The following ERI3 variants were observed in gnomAD, a reference collection of about 807,000 sequenced individuals.
ERI3 encodes ERI1 exoribonuclease 3.
ERI3 carries 18 observed loss-of-function variants against 44.4 expected under a neutral mutation model. The observed-to-expected ratio is 0.41, with a 90% CI of 0.28 to 0.60. The LOEUF (loss-of-function observed/expected upper bound fraction) is 0.60, where lower values mean the gene tolerates loss of function less well. ERI3 is among the 20% of genes least tolerant of loss of function. The probability of loss-of-function intolerance (pLI) is 0.36; values close to 1 mark genes in which losing one functional copy is unlikely to be tolerated. For missense variants in ERI3, 294 were observed against 435.5 expected (o/e 0.68, Z 2.89); for synonymous variants, 183 against 164.8 (o/e 1.11, Z -0.84).
At chr1:44,273,006 C>T (rs867922869) in intron 7 of ERI3, among the ~76,000 whole-genome samples, 1 of 152,068 alleles carries the variant, frequency 6.6e-6, no homozygotes, top group African/African-American at 2.4e-5. Context: ...ATGTCTGTGG[C>T]GTTTTCTGAC....
chr1:44,284,771 G>A, intron 7 of ERI3, 64 bp downstream of exon 7: 3 of 1,236,336 alleles, frequency 2.4e-6, no homozygotes, highest in Non-Finnish European at 3.6e-6. Flanking sequence ...AGAAAGCAAA[G>A]GACGGGAGCT....
At chr1:44,242,076 A>G in intron 8 of ERI3, 1 of 985,578 alleles carries the variant, frequency 1.0e-6, no homozygotes, top group Non-Finnish European at 1.2e-6. Flanking sequence ...AGGCCAGTGC[A>G]GACCCTGTCA....
intron 4 of ERI3, among the ~76,000 whole-genome samples, chr1:44,316,346 A>G (rs549520921): frequency 4.3e-4 from 66 of 152,316 alleles, no homozygotes; most frequent in African/African-American, 1.5e-3. Context: ...GCTCCTTTCA[A>G]TGAGGGATTA....
At chr1:44,256,176 C>G (rs1418080693) in intron 7 of ERI3, among the ~76,000 whole-genome samples, 1 of 152,054 alleles carries the variant, frequency 6.6e-6, no homozygotes, top group Admixed American at 6.6e-5. Flanking sequence ...ATAATTCTAC[C>G]AAGCCTGGAG....
chr1:44,326,714 T>C (rs1476536519), intron 3 of ERI3, among the ~76,000 whole-genome samples: 121 of 152,318 alleles, frequency 7.9e-4, no homozygotes, highest in Admixed American at 7.8e-3. Flanking sequence ...ATGCTCGAAG[T>C]TTCAGGACAA....
intron 7 of ERI3, among the ~76,000 whole-genome samples, chr1:44,269,474 G>A (rs184611889): frequency 4.6e-5 from 7 of 152,232 alleles, no homozygotes; most frequent in East Asian, 1.9e-4. Context: ...TTGTGGGCCC[G>A]TGCACACATA....
chr1:44,335,599 A>G (rs1338721528), intron 3 of ERI3, among the ~76,000 whole-genome samples: 3 of 152,024 alleles, frequency 2.0e-5, no homozygotes, highest in African/African-American at 7.2e-5. Flanking sequence ...ACCTCCACTA[A>G]AAATACAAAA....
At chr1:44,261,503 A>G (rs1287956878) in intron 7 of ERI3, among the ~76,000 whole-genome samples, 1 of 152,262 alleles carries the variant, frequency 6.6e-6, no homozygotes, top group African/African-American at 2.4e-5. Context: ...AGAGAGAGAA[A>G]GAGCTGGAGC....
At chr1:44,348,041 A>G (rs1266605183) in intron 2 of ERI3, among the ~76,000 whole-genome samples, 2 of 152,194 alleles carry the variant, frequency 1.3e-5, no homozygotes, top group African/African-American at 4.8e-5. Context: ...AAAGTAAGCA[A>G]GAGTAAATGT....
chr1:44,255,051 T>C (rs188338474), intron 7 of ERI3, among the ~76,000 whole-genome samples: 1 of 152,324 alleles, frequency 6.6e-6, no homozygotes, highest in Admixed American at 6.5e-5. Flanking sequence ...TTCTACCCCA[T>C]AGAATTGATG....
At chr1:44,280,794 A>G (rs1473349257) in intron 7 of ERI3, among the ~76,000 whole-genome samples, 2 of 152,144 alleles carry the variant, frequency 1.3e-5, no homozygotes, top group Non-Finnish European at 2.9e-5. Context: ...CTTACCCTAA[A>G]CATCAAGGTC....
At chr1:44,233,754 C>T (rs569317088) in intron 8 of ERI3, among the ~76,000 whole-genome samples, 19 of 152,312 alleles carry the variant, frequency 1.2e-4, no homozygotes, top group Non-Finnish European at 2.8e-4. Context: ...TCTCTCCCAT[C>T]TTGGGAGTAA....
Position 44,337,840 on chromosome 1 carries a change from G to A in ERI3, c.489+1205C>T, listed in dbSNP as rs115953873. Among the ~76,000 whole-genome samples the A allele has an allele frequency of 8.5e-3, 1,293 of 152,210 alleles. 19 individuals are homozygous for A. The highest frequency in any genetic ancestry group is 0.029 in the African/African-American group (1,184 of 41,522). ...ACTCCTCCCTACCTTCGAAGTGCCC[G>A]ATGCTGAGGTCCCCTTCTCTCCCTC... On this transcript the variant is annotated intron_variant, in intron 3 of 8. Coordinates refer to ENST00000372257, the MANE Select transcript of ERI3 (RefSeq NM_024066.3).
At chr1:44,288,954 C>A (rs561126544) in intron 6 of ERI3, among the ~76,000 whole-genome samples, 3 of 152,174 alleles carry the variant, frequency 2.0e-5, no homozygotes, top group Non-Finnish European at 4.4e-5. Flanking sequence ...GACTAGCCTG[C>A]GGGCACAAAC....
At chr1:44,317,889 G>A (rs1028335432) in intron 4 of ERI3, among the ~76,000 whole-genome samples, 7 of 152,180 alleles carry the variant, frequency 4.6e-5, no homozygotes, top group African/African-American at 1.7e-4. Context: ...GGCCAAAAAA[G>A]GATGGACAAG....
intron 4 of ERI3, 102 bp from the exon 5 acceptor site, chr1:44,313,330 G>A (rs762077197): frequency 7.1e-6 from 8 of 1,124,582 alleles, no homozygotes; most frequent in Non-Finnish European, 1.1e-5. Context: ...CTGTTGTAAA[G>A]GGCTCTGATC....
chr1:44,223,243 C>G (rs544307971), intron 8 of ERI3, among the ~76,000 whole-genome samples: 1 of 152,228 alleles, frequency 6.6e-6, no homozygotes, highest in East Asian at 1.9e-4. Flanking sequence ...GTTTATGGGC[C>G]GGACACGCAC....
Position 44,241,780 on chromosome 1 carries a change from T to C in ERI3, c.931+6159A>G. On this transcript the variant is annotated intron_variant, in intron 8 of 8. Coordinates refer to ENST00000372257, the MANE Select transcript of ERI3 (RefSeq NM_024066.3). The surrounding 1 kb of genome is among the most constrained non-coding windows in gnomAD (Gnocchi z 5.6). ...GAAGGTGGGGAAACAAAGATTGTAC[T>C]TCCTAAAGAATCAAACACACATAAC... 8.0e-6 allele frequency: 2 copies of C among 251,206 alleles called. No individual in the cohort carries two copies. Among genetic ancestry groups the C allele is most frequent in the Non-Finnish European group, 1.3e-5 (2 of 159,088 alleles). The allele number at this position is 251,206 out of a possible 1,614,324, so 15.6% of individuals were successfully genotyped here. A position where few individuals can be genotyped will look rare whatever the true frequency, so the allele number is the denominator to read the frequency against.
At chr1:44,332,018 G>T (rs930107234) in intron 3 of ERI3, among the ~76,000 whole-genome samples, 1 of 152,172 alleles carries the variant, frequency 6.6e-6, no homozygotes. Context: ...CTCCTTGAGG[G>T]TAGGGACCAT....
Sources: allele counts gnomAD v4.1 joint callset (sites outside exome capture counted in the v4.1 genomes callset), GRCh38; gene constraint gnomAD v4.1.1; non-coding constraint Gnocchi (gnomAD v3.1); transcripts MANE v1.5; gene names NCBI Gene and HGNC (gene_info 2026-07-23, HGNC 2026-07-21).